The following NRXN1 variants were observed in gnomAD, a reference collection of about 807,000 sequenced individuals.
The protein encoded by NRXN1 is neurexin 1.
A neutral mutation model predicts 150.9 loss-of-function variants in NRXN1; 39 were observed. The observed-to-expected ratio is 0.26, with a 90% CI of 0.20 to 0.34. The LOEUF (loss-of-function observed/expected upper bound fraction) is 0.34. Ranked by LOEUF, NRXN1 falls within the 10% of genes least tolerant of loss-of-function variation. NRXN1 has a pLI of 1.00. For missense variants in NRXN1, 1,815 were observed against 1,949.9 expected, an observed-to-expected ratio of 0.93 and a Z score of 1.30; for synonymous variants, 924 against 757.0, an observed-to-expected ratio of 1.22 and a Z score of -3.62.
At chr2:50,122,992 C>T (rs1466723312) in intron 18 of NRXN1, among the ~76,000 whole-genome samples, 3 of 152,010 alleles carry the variant, frequency 2.0e-5, no homozygotes, top group South Asian at 2.1e-4. Flanking sequence ...TTTGCTAGAG[C>T]GATAGATACT....
intron 22 of NRXN1, among the ~76,000 whole-genome samples, chr2:49,925,062 C>T (rs1390717503): frequency 6.6e-6 from 1 of 151,812 alleles, no homozygotes; most frequent in African/African-American, 2.4e-5. Context: ...GAGGCCGAGG[C>T]GAGTGGATCA....
At chr2:50,767,116 A>C (rs982638577) in intron 5 of NRXN1, among the ~76,000 whole-genome samples, 1 of 152,068 alleles carries the variant, frequency 6.6e-6, no homozygotes, top group African/African-American at 2.4e-5. Context: ...AAATTTGCTT[A>C]GGTCTTGCTT....
At chr2:50,467,043 G>C (rs1049697240) in intron 16 of NRXN1, among the ~76,000 whole-genome samples, 43 of 151,694 alleles carry the variant, frequency 2.8e-4, no homozygotes, top group African/African-American at 8.9e-4. Context: ...ATATCATTTA[G>C]AGTGGATGAA....
At chr2:50,313,471 A>C (rs1454869845) in intron 17 of NRXN1, among the ~76,000 whole-genome samples, 3 of 152,156 alleles carry the variant, frequency 2.0e-5, no homozygotes, top group African/African-American at 7.2e-5. Flanking sequence ...TCTCCCTGCC[A>C]TGAAAGCTGT....
chr2:50,850,226 C>T (rs1464896853), intron 5 of NRXN1, among the ~76,000 whole-genome samples: 2 of 139,592 alleles, frequency 1.4e-5, no homozygotes, highest in African/African-American at 2.7e-5. Context: ...AGACCTGTCT[C>T]GACAGAAAAA....
chr2:51,018,560 C>T (rs977152005), intron 2 of NRXN1, among the ~76,000 whole-genome samples: 2 of 152,110 alleles, frequency 1.3e-5, no homozygotes, highest in African/African-American at 4.8e-5. Flanking sequence ...GGAAGCCAAA[C>T]ACGCTTAGCC....
At chr2:50,111,513 C>G (rs984700489) in intron 18 of NRXN1, among the ~76,000 whole-genome samples, 2 of 151,908 alleles carry the variant, frequency 1.3e-5, no homozygotes, top group Admixed American at 6.6e-5. Flanking sequence ...GTGGTATGCA[C>G]CTGTAATTCC....
rs138479452 is a variant in NRXN1, at chr2:50,613,079, A to T, written c.1320+6943T>A. 2.3e-3 allele frequency among the ~76,000 whole-genome samples: 347 copies of T among 152,328 alleles called. 1 individual carries two copies. Among genetic ancestry groups the T allele is most frequent in the Admixed American group, 3.9e-3 (60 of 15,292 alleles). ...TTGTCAAAGCCTTTGACATTTCCAC[A>T]AACCCCATCTAGCTTTCTTGTTAAA... On this transcript the variant is annotated intron_variant, in intron 8 of 22. Coordinates refer to ENST00000401669, the MANE Select transcript of NRXN1 (RefSeq NM_001330078.2).
At position 50,035,552 on chromosome 2, in the gene NRXN1, C is replaced by T. The variant is rs537733165; in HGVS notation, c.4128+17719G>A. 6.6e-5 allele frequency among the ~76,000 whole-genome samples: 10 copies of T among 152,166 alleles called. No individual in the cohort carries two copies. The South Asian group carries it at 2.1e-3, about 32-fold the overall frequency. The stretch of plus-strand genomic sequence containing the variant: ...ATATTCTTATCCTCAGAGGAAAAAA[C>T]AATGACCTTCACTTAAGTTCTGCTA... On this transcript the variant is annotated intron_variant, in intron 21 of 22. Coordinates refer to ENST00000401669, the MANE Select transcript of NRXN1 (RefSeq NM_001330078.2).
At chr2:49,954,596 A>G (rs1674601481) in intron 21 of NRXN1, among the ~76,000 whole-genome samples, 1 of 152,162 alleles carries the variant, frequency 6.6e-6, no homozygotes, top group Non-Finnish European at 1.5e-5. Context: ...AGAGGGAGAG[A>G]GAAAGACTGA....
intron 5 of NRXN1, among the ~76,000 whole-genome samples, chr2:50,845,398 A>C (rs900386226): frequency 1.3e-5 from 2 of 152,168 alleles, no homozygotes; most frequent in Non-Finnish European, 2.9e-5. Context: ...TTATCGTCTC[A>C]ATTTTCAAAA....
intron 17 of NRXN1, among the ~76,000 whole-genome samples, chr2:50,458,195 C>T (rs938914134): frequency 6.6e-5 from 10 of 151,986 alleles, no homozygotes; most frequent in Admixed American, 1.3e-4. Flanking sequence ...AGACAAATAT[C>T]GCATGTTCTC....
At chr2:50,512,414 A>G (rs1457069889) in intron 12 of NRXN1, among the ~76,000 whole-genome samples, 1 of 151,882 alleles carries the variant, frequency 6.6e-6, no homozygotes, top group East Asian at 1.9e-4. Context: ...GACAACATGT[A>G]ATTATGTTAC....
At chr2:51,023,521 T>A (rs1369479142) in intron 2 of NRXN1, among the ~76,000 whole-genome samples, 1 of 152,238 alleles carries the variant, frequency 6.6e-6, no homozygotes, top group Non-Finnish European at 1.5e-5. Context: ...CTTTTTCAGA[T>A]TTCAGTTTAA....
At chr2:50,784,243 A>T (rs1004957420) in intron 5 of NRXN1, among the ~76,000 whole-genome samples, 2 of 152,108 alleles carry the variant, frequency 1.3e-5, no homozygotes, top group Admixed American at 1.3e-4. Context: ...TCCTTAAGGA[A>T]CTTTGCTTGT....
chr2:50,939,923 T>C (rs75998786), intron 2 of NRXN1, among the ~76,000 whole-genome samples: 20 of 152,172 alleles, frequency 1.3e-4, no homozygotes, highest in South Asian at 2.1e-4. Flanking sequence ...TTTAGAATTA[T>C]ATAGCTGTCA....
At chr2:50,593,165 T>A (rs993053911) in intron 8 of NRXN1, among the ~76,000 whole-genome samples, 6 of 152,226 alleles carry the variant, frequency 3.9e-5, no homozygotes, top group African/African-American at 1.4e-4. Flanking sequence ...GTGAAACTTA[T>A]AAACTTAAGC....
chr2:50,606,131 T>C (rs1311442882), intron 8 of NRXN1, among the ~76,000 whole-genome samples: 1 of 151,082 alleles, frequency 6.6e-6, no homozygotes, highest in Admixed American at 6.6e-5. Context: ...AGGCCTATAA[T>C]CCCAGCTACC....
chr2:50,470,953 T>A (rs1479326139), intron 16 of NRXN1, among the ~76,000 whole-genome samples: 1 of 151,828 alleles, frequency 6.6e-6, no homozygotes, highest in South Asian at 2.1e-4. Context: ...TACAAGAAAC[T>A]TGTTTTTGCT....
Sources: allele counts gnomAD v4.1 joint callset (sites outside exome capture counted in the v4.1 genomes callset), GRCh38; gene constraint gnomAD v4.1.1; transcripts MANE v1.5; gene names NCBI Gene and HGNC (gene_info 2026-07-23, HGNC 2026-07-21).